IARS1: variants seen among roughly 807,000 people sequenced by gnomAD.
IARS1 encodes the protein isoleucine--tRNA ligase, cytoplasmic.
In IARS1, 124 loss-of-function variants were observed where a neutral mutation model predicts 168.2. That is an observed-to-expected ratio of 0.74 (90% CI 0.64 to 0.86). IARS1 has a LOEUF of 0.86. Among genes scored for constraint, IARS1 ranks in the 40% least tolerant of loss-of-function variants. IARS1 has a pLI of 0.00. For missense variants in IARS1, 1,452 were observed against 1,515.8 expected, an observed-to-expected ratio of 0.96 and a Z score of 0.70; for synonymous variants, 532 against 529.4, an observed-to-expected ratio of 1.00 and a Z score of -0.07.
Position 92,277,929 on chromosome 9 carries a change from A to C in IARS1, c.834-6T>G. On this transcript the variant is annotated splice_polypyrimidine_tract_variant and splice_region_variant and intron_variant, in intron 8 of 33. Transcript: ENST00000443024. ...TAAGATAGGCACCAGGAAATCTAGAAAAGGAGAAAGGCAAACTCACAATTA... is the reference window on the plus strand; with the variant it reads ...TAAGATAGGCACCAGGAAATCTAGACAAGGAGAAAGGCAAACTCACAATTA... 6 of 1,612,846 alleles carry C rather than the reference A, an allele frequency of 3.7e-6. No homozygotes were observed. The highest frequency in any genetic ancestry group is 5.1e-6 in the Non-Finnish European group (6 of 1,179,048).
intron 12 of IARS1, 42 bp from the exon 13 acceptor site, chr9:92,270,025 C>T (rs369616228): frequency 8.2e-7 from 1 of 1,221,078 alleles, no homozygotes; most frequent in Non-Finnish European, 1.2e-6. Flanking sequence ...CAGGCTGAGA[C>T]TAGTAGGCAC....
chr9:92,245,595 A>G (rs547322426), intron 26 of IARS1, among the ~76,000 whole-genome samples: 1 of 152,230 alleles, frequency 6.6e-6, no homozygotes, highest in South Asian at 2.1e-4. Context: ...ACCCCCGCTG[A>G]TAGGGAGGCC....
chr9:92,252,001 C>T, intron 21 of IARS1, 116 bp from the exon 22 acceptor site: 1 of 763,070 alleles, frequency 1.3e-6, no homozygotes, highest in Non-Finnish European at 2.2e-6. Context: ...ACAGACAAGA[C>T]ATGAGACAGA....
At chr9:92,235,429 G>T (rs925963954) in intron 30 of IARS1, among the ~76,000 whole-genome samples, 7 of 151,822 alleles carry the variant, frequency 4.6e-5, no homozygotes, top group Non-Finnish European at 1.0e-4. Context: ...TCATGAATGG[G>T]TGTTGAATTT....
chr9:92,214,774 C>A (rs143902700), intron 33 of IARS1, among the ~76,000 whole-genome samples: 1 of 152,230 alleles, frequency 6.6e-6, no homozygotes, highest in Non-Finnish European at 1.5e-5. Context: ...GGGTCCTACG[C>A]CCACGGAGTC....
chr9:92,265,461 C>T lies in IARS1; in HGVS notation c.1505+19G>A, dbSNP rs375638998. The T allele has an allele frequency of 3.4e-5, 55 of 1,606,794 alleles. No homozygotes were observed. Among genetic ancestry groups the T allele is most frequent in the African/African-American group, 3.2e-4 (24 of 74,750 alleles). ...GGAGAATCGTAAAACTGAAGTGAAT[C>T]GAACATTTAGAAACTGACCTCTCTC... On this transcript the variant is annotated intron_variant, in intron 15 of 33. Transcript: ENST00000443024.
intron 31 of IARS1, among the ~76,000 whole-genome samples, chr9:92,224,777 G>C (rs1392359863): frequency 6.6e-6 from 1 of 152,126 alleles, no homozygotes; most frequent in Non-Finnish European, 1.5e-5. Context: ...AGGTTACACT[G>C]AACTATGATT....
rs572692380 is a variant in IARS1 at position 92,215,197 on chromosome 9, T to C, written c.3707-4308A>G. On this transcript the variant is annotated intron_variant, in intron 33 of 33. Coordinates refer to ENST00000443024, the MANE Select transcript of IARS1 (RefSeq NM_002161.6). ...CACACGGCAGGGTATTCCAACAGAC[T>C]TGCAGTTGAGGGTCCTGTCTGTCAG... is the stretch of plus-strand genomic sequence containing the variant. Among the ~76,000 whole-genome samples the C allele has an allele frequency of 9.7e-3, 1,472 of 152,054 alleles. 10 individuals are homozygous for C. Among genetic ancestry groups the C allele is most frequent in the Middle Eastern group, 0.02 (6 of 294 alleles).
At chr9:92,243,491 A>C in intron 27 of IARS1, 180 bp from the exon 28 acceptor site, 1 of 509,494 alleles carries the variant, frequency 2.0e-6, no homozygotes, top group Non-Finnish European at 3.6e-6. Flanking sequence ...ATAATCAGCT[A>C]GTCCTCTGTC....
At chr9:92,282,860 A>ATAT (rs1230782830) in intron 6 of IARS1, among the ~76,000 whole-genome samples, 10 of 132,856 alleles carry the variant, frequency 7.5e-5, no homozygotes, top group African/African-American at 2.3e-4. Context: ...ATATATATAT[A>ATAT]TTTTTTTTTT....
At chr9:92,228,499 G>A (rs1478771613) in intron 31 of IARS1, among the ~76,000 whole-genome samples, 1 of 152,098 alleles carries the variant, frequency 6.6e-6, no homozygotes, top group Non-Finnish European at 1.5e-5. Context: ...ACTGCTTAAG[G>A]CCCTGGGTTC....
intron 20 of IARS1, 29 bp downstream of exon 20, chr9:92,256,651 C>A: frequency 6.3e-7 from 1 of 1,598,264 alleles, no homozygotes; most frequent in Non-Finnish European, 8.5e-7. Context: ...AGTCCTTATT[C>A]CTGGGAGGAC....
At position 92,287,727 on chromosome 9, in the gene IARS1, C is replaced by T. The variant is rs72750464; in HGVS notation, c.396+64G>A. The T allele has an allele frequency of 5.9e-3, 9,116 of 1,533,438 alleles. 35 individuals carry two copies. The highest frequency in any genetic ancestry group is 7.4e-3 in the Non-Finnish European group (8,408 of 1,136,534). The allele number at this position is 1,533,438 out of a possible 1,614,324, so 95.0% of individuals were successfully genotyped here. On this transcript the variant is annotated intron_variant, in intron 4 of 33. Transcript: ENST00000443024. ...TAAAAAAAGCACAAGGGACCATAAACCATTTCAATGCCCATTTAGTAACTA... is the reference window on the plus strand; with the variant it reads ...TAAAAAAAGCACAAGGGACCATAAATCATTTCAATGCCCATTTAGTAACTA...
chr9:92,284,900 C>T (rs534518124), intron 6 of IARS1, among the ~76,000 whole-genome samples: 1 of 152,122 alleles, frequency 6.6e-6, no homozygotes, highest in African/African-American at 2.4e-5. Flanking sequence ...TAAAAAAATA[C>T]AAACATGAGC....
In IARS1 at chr9:92,271,675, A is replaced by AG. The variant is rs1193106627; in HGVS notation, c.991-21dup. On this transcript the variant is annotated intron_variant, in intron 10 of 33. Coordinates refer to ENST00000443024, the MANE Select transcript of IARS1 (RefSeq NM_002161.6). ...GTCCTCCTGAGAAAAGGCAAAAGAG[A>AG]GGGAAGAATAAAACAGTCTATGTAT... is the stretch of plus-strand genomic sequence containing the variant. 1 of 1,613,664 alleles carries AG rather than the reference A, an allele frequency of 6.2e-7. No individual in the cohort carries two copies. Among genetic ancestry groups the AG allele is most frequent in the East Asian group, 2.2e-5 (1 of 44,870 alleles).
At chr9:92,227,625 G>C (rs1229163582) in intron 31 of IARS1, among the ~76,000 whole-genome samples, 1 of 151,356 alleles carries the variant, frequency 6.6e-6, no homozygotes, top group South Asian at 2.1e-4. Context: ...CAGACGGGGC[G>C]GTTGCCAGGC....
chr9:92,243,294 A>AT lies in IARS1; in HGVS notation c.2921dup (p.Asp974GlufsTer5), dbSNP rs1269627896. On this transcript the variant is annotated frameshift_variant, in exon 28 of 34. Coordinates refer to ENST00000443024, the MANE Select transcript of IARS1 (RefSeq NM_002161.6). LOFTEE classifies it high-confidence loss of function. ...CTACCATTGACTGGTCAGGAGTGAC[A>AT]TCTAAGAGGACCAAAGCCTGTGGGA... The AT allele has an allele frequency of 3.1e-6, 5 of 1,613,122 alleles. No individual in the cohort carries two copies. Among genetic ancestry groups the AT allele is most frequent in the Non-Finnish European group, 4.2e-6 (5 of 1,179,146 alleles).
At chr9:92,247,715 T>G (rs963374050) in intron 25 of IARS1, among the ~76,000 whole-genome samples, 164 bp from the exon 26 acceptor site, 2 of 152,172 alleles carry the variant, frequency 1.3e-5, no homozygotes, top group African/African-American at 4.8e-5. Context: ...ACACATGCAA[T>G]AGAGTATTTG....
Position 92,271,529 on chromosome 9 carries a change from A to C in IARS1, c.1113+4T>G. The C allele has an allele frequency of 6.2e-7, 1 of 1,614,062 alleles. No homozygotes were observed. Among genetic ancestry groups the C allele is most frequent in the Non-Finnish European group, 8.5e-7 (1 of 1,179,900 alleles). ...CACCCTTCTATGCTATATGGATTACAGACCTTCACATACTGTCCTGCGAAA... is the reference window on the plus strand; with the variant it reads ...CACCCTTCTATGCTATATGGATTACCGACCTTCACATACTGTCCTGCGAAA... On this transcript the variant is annotated splice_donor_region_variant and intron_variant, in intron 11 of 33. Coordinates refer to ENST00000443024, the MANE Select transcript of IARS1 (RefSeq NM_002161.6).
Sources: allele counts gnomAD v4.1 joint callset (sites outside exome capture counted in the v4.1 genomes callset), GRCh38; gene constraint gnomAD v4.1.1; transcripts MANE v1.5; gene names NCBI Gene and HGNC (gene_info 2026-07-23, HGNC 2026-07-21).